The following FRMD5 variants were observed in gnomAD, a reference collection of about 807,000 sequenced individuals.
The protein encoded by FRMD5 is FERM domain-containing protein 5.
In FRMD5, 20 loss-of-function variants were observed where a neutral mutation model predicts 69.0. The observed-to-expected ratio is 0.29, with a 90% CI of 0.20 to 0.42. The LOEUF is 0.42. Among genes scored for constraint, FRMD5 ranks in the 10% least tolerant of loss-of-function variants. The probability of loss-of-function intolerance (pLI) is 1.00; values close to 1 mark genes in which losing one functional copy is unlikely to be tolerated. For missense variants in FRMD5, 595 were observed against 708.6 expected, an observed-to-expected ratio of 0.84 and a Z score of 1.82; for synonymous variants, 271 against 260.1, an observed-to-expected ratio of 1.04 and a Z score of -0.40.
chr15:44,080,698 CCTCA>C (rs1893962359), intron 1 of FRMD5, among the ~76,000 whole-genome samples: 1 of 152,048 alleles, frequency 6.6e-6, no homozygotes, highest in African/African-American at 2.4e-5. Flanking sequence ...CAATGAAACA[CCTCA>C]CTCAGCTATT....
At chr15:44,060,148 T>C (rs1212409269) in intron 1 of FRMD5, among the ~76,000 whole-genome samples, 2 of 152,102 alleles carry the variant, frequency 1.3e-5, no homozygotes, top group African/African-American at 2.4e-5. Context: ...AGGTTGCAAG[T>C]AGCAGACACT....
At chr15:43,897,406 G>T (rs894887937) in intron 7 of FRMD5, among the ~76,000 whole-genome samples, 1 of 142,926 alleles carries the variant, frequency 7.0e-6, no homozygotes, top group Non-Finnish European at 1.5e-5. Context: ...AGAATCACTT[G>T]AACCCGGGAG....
In FRMD5 at chr15:43,909,869, C is replaced by T; in HGVS notation, c.427+13G>A. 6.4e-7 allele frequency: 1 copy of T among 1,564,302 alleles called. No individual in the cohort carries two copies. The highest frequency in any genetic ancestry group is 8.8e-7 in the Non-Finnish European group (1 of 1,136,852). On this transcript the variant is annotated intron_variant, in intron 5 of 13. Coordinates refer to ENST00000417257, the MANE Select transcript of FRMD5 (RefSeq NM_032892.5). Reference sequence around the variant, plus strand: ...GGCATGAAAAGCAAACTTATCCTGTCAAAAGTCATTACCTTGAAGGATGTA... The same window carrying T: ...GGCATGAAAAGCAAACTTATCCTGTTAAAAGTCATTACCTTGAAGGATGTA...
intron 1 of FRMD5, among the ~76,000 whole-genome samples, chr15:43,979,501 T>C (rs1161415789): frequency 2.6e-5 from 4 of 152,200 alleles, no homozygotes; most frequent in East Asian, 3.8e-4. Flanking sequence ...CTCGGTCTTA[T>C]AAGGCTTAAA....
chr15:43,895,498 G>A (rs142337279), intron 7 of FRMD5, among the ~76,000 whole-genome samples: 197 of 152,356 alleles, frequency 1.3e-3, no homozygotes, highest in African/African-American at 4.4e-3. Context: ...TAGAGTTAGA[G>A]GAGCACAGCC....
intron 1 of FRMD5, among the ~76,000 whole-genome samples, chr15:43,966,719 A>C (rs2090300788): frequency 6.6e-6 from 1 of 152,180 alleles, no homozygotes; most frequent in Non-Finnish European, 1.5e-5. Flanking sequence ...GGTTTAGAAC[A>C]TGAATGGTTG....
At chr15:44,071,160 C>T (rs745430383) in intron 1 of FRMD5, among the ~76,000 whole-genome samples, 2 of 152,170 alleles carry the variant, frequency 1.3e-5, no homozygotes, top group Non-Finnish European at 2.9e-5. Flanking sequence ...TATGTCTTTG[C>T]CCAGTTATTC....
At chr15:43,990,832 G>C (rs2140135433) in intron 1 of FRMD5, among the ~76,000 whole-genome samples, 1 of 152,306 alleles carries the variant, frequency 6.6e-6, no homozygotes, top group East Asian at 1.9e-4. Flanking sequence ...AGTTGAAGTG[G>C]TAATTTAACT....
intron 1 of FRMD5, among the ~76,000 whole-genome samples, chr15:43,948,191 A>G (rs1178716345): frequency 6.6e-6 from 1 of 152,232 alleles, no homozygotes; most frequent in African/African-American, 2.4e-5. Flanking sequence ...TAATTATAGA[A>G]CCTGAATATA....
At chr15:43,924,001 C>T (rs922324169) in intron 2 of FRMD5, among the ~76,000 whole-genome samples, 1 of 152,218 alleles carries the variant, frequency 6.6e-6, no homozygotes, top group Non-Finnish European at 1.5e-5. Flanking sequence ...ATTTCAGCAA[C>T]TGTAAAATGA....
intron 1 of FRMD5, among the ~76,000 whole-genome samples, chr15:44,155,257 C>A (rs1223470529): frequency 1.3e-5 from 2 of 151,946 alleles, no homozygotes; most frequent in African/African-American, 4.8e-5. Flanking sequence ...CACGGTGAAA[C>A]CCCGTCTCTA....
intron 1 of FRMD5, among the ~76,000 whole-genome samples, chr15:43,975,435 C>T (rs927674789): frequency 5.9e-5 from 9 of 152,142 alleles, no homozygotes; most frequent in South Asian, 2.1e-4. Flanking sequence ...AATAAAATGC[C>T]GGGCCAATAT....
intron 10 of FRMD5, among the ~76,000 whole-genome samples, chr15:43,887,009 G>A (rs1475057378): frequency 6.6e-6 from 1 of 152,218 alleles, no homozygotes; most frequent in Non-Finnish European, 1.5e-5. Context: ...ACTGAGTGAG[G>A]TCACAGGTTC....
chr15:43,963,359 AC>A (rs1426850579), intron 1 of FRMD5, among the ~76,000 whole-genome samples: 5 of 152,236 alleles, frequency 3.3e-5, no homozygotes, highest in Admixed American at 3.3e-4. Flanking sequence ...ACAATGAGAT[AC>A]CATCTCATGC....
intron 1 of FRMD5, among the ~76,000 whole-genome samples, chr15:44,170,942 A>G (rs2077791790): frequency 6.6e-6 from 1 of 152,230 alleles, no homozygotes; most frequent in Non-Finnish European, 1.5e-5. Flanking sequence ...TTAGAAAGCC[A>G]TTCCATGACA....
chr15:43,983,367 A>G (rs762325585), intron 1 of FRMD5, among the ~76,000 whole-genome samples: 3 of 152,198 alleles, frequency 2.0e-5, no homozygotes, highest in Non-Finnish European at 2.9e-5. Context: ...TAAATCATTA[A>G]TGGAGACTTT....
intron 1 of FRMD5, among the ~76,000 whole-genome samples, chr15:44,153,367 TGAAG>T (rs2077476731): frequency 1.3e-5 from 2 of 152,154 alleles, no homozygotes; most frequent in Non-Finnish European, 2.9e-5. Context: ...ATACATATAA[TGAAG>T]GATTATTCAG....
intron 1 of FRMD5, among the ~76,000 whole-genome samples, chr15:43,975,149 T>C (rs2090444664): frequency 6.6e-6 from 1 of 152,220 alleles, no homozygotes; most frequent in South Asian, 2.1e-4. Context: ...ACAAGTGAGG[T>C]GACCTCATGC....
At chr15:43,891,538 C>A (rs1460819598) in intron 8 of FRMD5, among the ~76,000 whole-genome samples, 1 of 152,138 alleles carries the variant, frequency 6.6e-6, no homozygotes, top group East Asian at 1.9e-4. Flanking sequence ...TATATCTGCC[C>A]CAGAGGTCAC....
Sources: allele counts gnomAD v4.1 joint callset (sites outside exome capture counted in the v4.1 genomes callset), GRCh38; gene constraint gnomAD v4.1.1; transcripts MANE v1.5; gene names NCBI Gene and HGNC (gene_info 2026-07-23, HGNC 2026-07-21).